Variants in PEX5 observed in about 807,000 individuals in gnomAD.
PEX5 encodes the protein PTS1 receptor.
PEX5 carries 52 observed loss-of-function variants against 82.9 expected under a neutral mutation model. The observed-to-expected ratio is 0.63, with a 90% CI of 0.50 to 0.79. The LOEUF is 0.79. Among genes scored for constraint, PEX5 ranks in the 30% least tolerant of loss-of-function variants. The pLI is 0.00. For missense variants in PEX5, 719 were observed against 815.2 expected (o/e 0.88, Z 1.44); for synonymous variants, 300 against 318.8 (o/e 0.94, Z 0.63).
Position 7,208,444 on chromosome 12 carries a change from C to G in PEX5, c.1182-13C>G, listed in dbSNP as rs767049899. The G allele has an allele frequency of 1.2e-6, 2 of 1,604,004 alleles. No homozygotes were observed. The highest frequency in any genetic ancestry group is 1.7e-6 in the Non-Finnish European group (2 of 1,171,076). On this transcript the variant is annotated splice_polypyrimidine_tract_variant and intron_variant, in intron 12 of 15. Coordinates refer to ENST00000675855, the MANE Select transcript of PEX5 (RefSeq NM_001351132.2). ...ATTGCAGATATCAAGTCTGCCCATC[C>G]CTGATCAAACAGGTGTCTGGAGCTA...
chr12:7,192,112 T>G (rs1941250027), intron 5 of PEX5, among the ~76,000 whole-genome samples: 1 of 152,210 alleles, frequency 6.6e-6, no homozygotes, highest in Non-Finnish European at 1.5e-5. Flanking sequence ...CTGAAGTGTA[T>G]GGCTTTAGAA....
chr12:7,204,841 A>G (rs952049765), intron 10 of PEX5, among the ~76,000 whole-genome samples: 10 of 151,992 alleles, frequency 6.6e-5, no homozygotes, highest in African/African-American at 2.4e-4. Flanking sequence ...TTTCAGACAC[A>G]TAGAACAATG....
intron 5 of PEX5, among the ~76,000 whole-genome samples, chr12:7,193,379 G>A (rs1385982304): frequency 1.3e-5 from 2 of 151,862 alleles, no homozygotes; most frequent in Non-Finnish European, 2.9e-5. Flanking sequence ...GACTACAGGC[G>A]TGTGCCACCA....
intron 5 of PEX5, among the ~76,000 whole-genome samples, chr12:7,194,890 C>T (rs908240598): frequency 6.6e-6 from 1 of 152,182 alleles, no homozygotes. Flanking sequence ...TATAGGTTTG[C>T]CATGAGCAGA....
At chr12:7,191,131 T>C in intron 3 of PEX5, 95 bp from the exon 4 acceptor site, 1 of 1,428,156 alleles carries the variant, frequency 7.0e-7, no homozygotes. Flanking sequence ...TTTCCTTTCC[T>C]TGTATCTAAC....
At chr12:7,207,869 GAGAGTAGTGC>G (rs1200175163) in intron 11 of PEX5, 67 bp downstream of exon 11, 1 of 1,585,160 alleles carries the variant, frequency 6.3e-7, no homozygotes, top group Non-Finnish European at 8.7e-7. Context: ...AGGCCCCAAG[GAGAGTAGTGC>G]AGATGGGTTA....
At chr12:7,192,839 A>G (rs1476704678) in intron 5 of PEX5, among the ~76,000 whole-genome samples, 1 of 152,214 alleles carries the variant, frequency 6.6e-6, no homozygotes, top group Non-Finnish European at 1.5e-5. Context: ...TTTAGGATTG[A>G]TTCTTCTTAC....
At chr12:7,189,861 A>G in intron 1 of PEX5, 111 bp downstream of exon 1, 2 of 1,291,254 alleles carry the variant, frequency 1.5e-6, no homozygotes, top group Non-Finnish European at 2.0e-6. Flanking sequence ...AGGGCCGGGG[A>G]GATGGGCGGT....
At chr12:7,196,483 TATATAATGTAATAATTATATATGTCAC>T (rs1565683689) in intron 5 of PEX5, among the ~76,000 whole-genome samples, 15 of 135,990 alleles carry the variant, frequency 1.1e-4, no homozygotes, top group African/African-American at 3.7e-4. Flanking sequence ...AATTACATCA[TATATAATGTAATAATTATATATGTCAC>T]ATATAATGTA....
chr12:7,210,062 A>G lies in PEX5; in HGVS notation c.1759A>G (p.Arg587Gly). ...CTTTCTGGAGGCCCTGAACATGCAGAGGAAAAGCCGGGGCCCCCGGGGTGA... is the reference window on the plus strand; with the variant it reads ...CTTTCTGGAGGCCCTGAACATGCAGGGGAAAAGCCGGGGCCCCCGGGGTGA... ...EHFLEALNMQ[R>G]KSRGPRGEGG... The change falls in exon 16 of 16, where the codon AGG (arginine) becomes GGG (glycine). Residue 587 changes from arginine to glycine, a missense_variant. Physicochemically the swap from Arg to Gly is moderately radical, Grantham distance 125. Coordinates refer to ENST00000675855, the MANE Select transcript of PEX5 (RefSeq NM_001351132.2). 1.2e-6 allele frequency: 2 copies of G among 1,614,212 alleles called. No individual in the cohort carries two copies. Among genetic ancestry groups the G allele is most frequent in the African/African-American group, 1.3e-5 (1 of 75,046 alleles).
intron 10 of PEX5, among the ~76,000 whole-genome samples, chr12:7,205,894 C>T (rs1470163726): frequency 6.6e-6 from 1 of 152,166 alleles, no homozygotes; most frequent in Non-Finnish European, 1.5e-5. Context: ...TACAGGCCAT[C>T]ATATCTTAAG....
At chr12:7,206,925 T>TTTC (rs1198873767) in intron 10 of PEX5, among the ~76,000 whole-genome samples, 12 of 152,318 alleles carry the variant, frequency 7.9e-5, no homozygotes, top group African/African-American at 2.9e-4. Flanking sequence ...CTTTACCTCA[T>TTTC]TTCTTCTCTG....
chr12:7,205,991 A>G (rs1025098529), intron 10 of PEX5, among the ~76,000 whole-genome samples: 3 of 152,202 alleles, frequency 2.0e-5, no homozygotes, highest in African/African-American at 4.8e-5. Context: ...TTCCCATTTG[A>G]TGTTCTCAAT....
At chr12:7,199,845 C>A (rs1280010696) in intron 6 of PEX5, among the ~76,000 whole-genome samples, 1 of 129,684 alleles carries the variant, frequency 7.7e-6, no homozygotes, top group East Asian at 2.3e-4. Context: ...TGACCCCCAC[C>A]TCCCTCCCGG....
At position 7,202,250 on chromosome 12, in the gene PEX5, T is replaced by C. The variant is rs1269338856; in HGVS notation, c.652T>C (p.Phe218Leu). 1.2e-6 allele frequency: 2 copies of C among 1,614,068 alleles called. No individual in the cohort carries two copies. Among genetic ancestry groups the C allele is most frequent in the South Asian group, 1.1e-5 (1 of 91,066 alleles). Residue 218 changes from phenylalanine to leucine, a missense_variant, in exon 8 of 16, where the codon TTC becomes CTC. Physicochemically the swap from Phe to Leu is conservative, Grantham distance 22. Coordinates refer to ENST00000675855, the MANE Select transcript of PEX5 (RefSeq NM_001351132.2). ...PKLANSEFLKFVRQIGEGQVS... is the reference protein window; with the variant it reads ...PKLANSEFLKLVRQIGEGQVS... ...TGTCTCTGTGCCCCAGTTCCTGAAATTCGTGCGGCAGATTGGCGAAGGGCA... is the reference window on the plus strand; with the variant it reads ...TGTCTCTGTGCCCCAGTTCCTGAAACTCGTGCGGCAGATTGGCGAAGGGCA...
rs190516026 is a variant in PEX5 at position 7,209,262 on chromosome 12, G to A, written c.1560+92G>A. 3.2e-4 allele frequency: 417 copies of A among 1,289,432 alleles called. 2 individuals carry two copies. In the East Asian group the frequency reaches 8.1e-3, roughly 25 times the overall value. The allele number at this position is 1,289,432 out of a possible 1,614,324, so 79.9% of individuals were successfully genotyped here. ...AAGCTGGGTTTGATGGTGCATGCCT[G>A]TAGTCCCAGCTACTTGGGAGGCTGA... On this transcript the variant is annotated intron_variant, in intron 14 of 15. Transcript: ENST00000675855.
intron 5 of PEX5, among the ~76,000 whole-genome samples, chr12:7,193,707 C>A (rs1377213432): frequency 6.6e-6 from 1 of 152,166 alleles, no homozygotes; most frequent in Non-Finnish European, 1.5e-5. Context: ...TCAGAAAAAT[C>A]ATTGCTACTA....
intron 17 of PEX5, among the ~76,000 whole-genome samples, chr12:7,217,093 T>C (rs1945800562): frequency 6.6e-6 from 1 of 152,224 alleles, no homozygotes; most frequent in Non-Finnish European, 1.5e-5. Flanking sequence ...TAAGATTTAG[T>C]TCTATGAACT....
intron 9 of PEX5, 60 bp from the exon 10 acceptor site, chr12:7,203,372 G>A: frequency 1.3e-6 from 2 of 1,560,336 alleles, no homozygotes; most frequent in Non-Finnish European, 1.7e-6. Context: ...GCAGAGCTGA[G>A]TGTGGGGTGG....
Sources: gnomAD v4.1 joint callset for allele counts (sites outside exome capture counted in the v4.1 genomes callset) on GRCh38, gnomAD v4.1.1 for gene constraint, MANE v1.5 for transcripts, NCBI Gene and HGNC (gene_info 2026-07-23, HGNC 2026-07-21) for gene names.